HIVEP1: variants seen among roughly 807,000 people sequenced by gnomAD.
The protein encoded by HIVEP1 is HIVEP zinc finger 1.
A neutral mutation model predicts 180.0 loss-of-function variants in HIVEP1; 36 were observed. The observed-to-expected ratio is 0.20, with a 90% CI of 0.15 to 0.26. The LOEUF (loss-of-function observed/expected upper bound fraction) is 0.26. Ranked by LOEUF, HIVEP1 falls within the 10% of genes least tolerant of loss-of-function variation. HIVEP1 has a pLI of 1.00. For synonymous variants in HIVEP1, 1,239 were observed against 1,239.0 expected (o/e 1.00, Z 0.00); for missense variants, 3,143 against 3,268.7 (o/e 0.96, Z 0.94).
intron 7 of HIVEP1, among the ~76,000 whole-genome samples, chr6:12,148,207 A>G (rs529067039): frequency 6.6e-6 from 1 of 152,358 alleles, no homozygotes; most frequent in African/African-American, 2.4e-5. Flanking sequence ...TTTGAAGTGG[A>G]CAGCCCAGCA....
chr6:12,082,623 T>C (rs1772862305), intron 2 of HIVEP1, among the ~76,000 whole-genome samples: 1 of 152,178 alleles, frequency 6.6e-6, no homozygotes, highest in Admixed American at 6.5e-5. Context: ...CTGCTCTCTC[T>C]AGATTCATGT....
upstream of HIVEP1, chr6:12,007,903 T>A (rs1457983658): frequency 6.6e-6 from 1 of 152,196 alleles, no homozygotes; most frequent in African/African-American, 2.4e-5. Context: ...TATTTTTCCA[T>A]GTGTTTATCC....
intron 7 of HIVEP1, among the ~76,000 whole-genome samples, chr6:12,147,968 CCTA>C (rs1228918520): frequency 1.3e-5 from 2 of 152,122 alleles, no homozygotes; most frequent in Non-Finnish European, 2.9e-5. Flanking sequence ...CTGTACTTGT[CCTA>C]CTTTAACGCT....
intron 2 of HIVEP1, among the ~76,000 whole-genome samples, chr6:12,062,864 G>T (rs1771330745): frequency 1.3e-5 from 2 of 152,186 alleles, no homozygotes; most frequent in South Asian, 4.1e-4. Context: ...GGCATAGTGG[G>T]AAAAGCTTTC....
At chr6:12,092,605 T>G (rs1773546803) in intron 3 of HIVEP1, among the ~76,000 whole-genome samples, 3 of 152,160 alleles carry the variant, frequency 2.0e-5, no homozygotes, top group East Asian at 1.9e-4. Context: ...TTTCCAGAGT[T>G]TTTTTTGGGG....
downstream of HIVEP1, among the ~76,000 whole-genome samples, chr6:12,167,787 ATAAT>A (rs1286917662): frequency 4.2e-5 from 6 of 144,114 alleles, no homozygotes; most frequent in East Asian, 2.0e-4. Flanking sequence ...ATGTGCGTAT[ATAAT>A]ATATACACAT....
At chr6:12,137,832 T>C (rs1352181548) in intron 7 of HIVEP1, among the ~76,000 whole-genome samples, 3 of 152,218 alleles carry the variant, frequency 2.0e-5, no homozygotes, top group Admixed American at 2.0e-4. Flanking sequence ...TATTGTGCTT[T>C]TCTGTGCTTT....
Position 12,123,489 on chromosome 6 carries a change from A to G in HIVEP1, c.3694A>G (p.Ile1232Val). 6.2e-7 allele frequency: 1 copy of G among 1,614,158 alleles called. No homozygotes were observed. The highest frequency in any genetic ancestry group is 8.5e-7 in the Non-Finnish European group (1 of 1,180,006). The change falls in exon 4 of 9, where the codon ATC (isoleucine) becomes GTC (valine). Residue 1232 changes from isoleucine to valine, a missense_variant. Around this residue, in one of 12 missense-constraint regions of HIVEP1, gnomAD observed 1,357 missense variants for 1,260.5 expected, o/e 1.08. Coordinates refer to ENST00000379388, the MANE Select transcript of HIVEP1 (RefSeq NM_002114.4). ...QPSRLVRQHN[I>V]QVPEILVTEE... is the part of the protein sequence containing the mutation. ...CTCAAGACTTGTCCGGCAGCACAACATCCAAGTTCCAGAGATTTTGGTCAC... is the reference window on the plus strand; with the variant it reads ...CTCAAGACTTGTCCGGCAGCACAACGTCCAAGTTCCAGAGATTTTGGTCAC...
upstream of HIVEP1, among the ~76,000 whole-genome samples, chr6:12,011,666 G>T (rs1016345432): frequency 6.7e-6 from 1 of 149,258 alleles, no homozygotes; most frequent in Non-Finnish European, 1.5e-5. Flanking sequence ...GAAGCGGCGG[G>T]TAGGTGGCGG....
chr6:12,055,997 C>T lies in HIVEP1; in HGVS notation c.41-33187C>T, dbSNP rs374085185. On this transcript the variant is annotated intron_variant, in intron 2 of 8. Coordinates refer to ENST00000379388, the MANE Select transcript of HIVEP1 (RefSeq NM_002114.4). ...TTATTTGCTCCTTTTATTTTATATG[C>T]GCTTGCTCAGCACCTTAGGTAGCAG... 3.1e-4 allele frequency among the ~76,000 whole-genome samples: 47 copies of T among 152,198 alleles called. No homozygotes were observed. In the East Asian group the frequency reaches 5.0e-3, roughly 16 times the overall value.
chr6:12,099,325 G>A (rs910944153), intron 3 of HIVEP1, among the ~76,000 whole-genome samples: 2 of 151,874 alleles, frequency 1.3e-5, no homozygotes, highest in Admixed American at 6.6e-5. Flanking sequence ...CCGCCACTAC[G>A]CCCGGCTATT....
rs190085867 is a variant in HIVEP1 at position 12,072,931 on chromosome 6, C to T, written c.41-16253C>T. Reference sequence around the variant, plus strand: ...ATCCCTTGTCTGCTGATTCCAACATCTTTGTCTTGTGTAGTTCTTATTCTT... The same window carrying T: ...ATCCCTTGTCTGCTGATTCCAACATTTTTGTCTTGTGTAGTTCTTATTCTT... On this transcript the variant is annotated intron_variant, in intron 2 of 8. Coordinates refer to ENST00000379388, the MANE Select transcript of HIVEP1 (RefSeq NM_002114.4). 3.9e-3 allele frequency among the ~76,000 whole-genome samples: 601 copies of T among 152,168 alleles called. 5 individuals carry two copies. The highest frequency in any genetic ancestry group is 0.013 in the African/African-American group (552 of 41,520).
chr6:12,043,513 C>T (rs547274068), intron 2 of HIVEP1, among the ~76,000 whole-genome samples: 12 of 152,084 alleles, frequency 7.9e-5, no homozygotes, highest in African/African-American at 2.7e-4. Flanking sequence ...AGGACAGGCT[C>T]CTGCCACCAC....
the HIVEP1 span, among the ~76,000 whole-genome samples, chr6:12,175,847 A>AGG: frequency 1.4e-4 from 21 of 152,188 alleles, no homozygotes; most frequent in Non-Finnish European, 2.9e-4. Context: ...ACCATCCAGA[A>AGG]GGGAGGGTAC....
intron 3 of HIVEP1, among the ~76,000 whole-genome samples, chr6:12,104,425 CTTTTTT>C (rs70981665): frequency 0.019 from 1,391 of 72,676 alleles, 4 homozygotes; most frequent in Middle Eastern, 0.11. Flanking sequence ...CTTTTCTTTC[CTTTTTT>C]TTTTTTTTTT....
intron 3 of HIVEP1, among the ~76,000 whole-genome samples, chr6:12,107,733 A>G (rs867528647): frequency 9.2e-5 from 14 of 152,206 alleles, no homozygotes; most frequent in Admixed American, 4.6e-4. Context: ...GCAAAGAGTG[A>G]AAGAACAAAG....
intron 1 of HIVEP1, among the ~76,000 whole-genome samples, chr6:12,015,137 T>TTA (rs1250637911): frequency 1.3e-5 from 2 of 152,222 alleles, no homozygotes; most frequent in Admixed American, 6.5e-5. Flanking sequence ...ACCCCTTGTA[T>TTA]TAACTGAGTT....
intron 2 of HIVEP1, among the ~76,000 whole-genome samples, chr6:12,060,532 T>C (rs1160515943): frequency 1.3e-5 from 2 of 152,140 alleles, no homozygotes; most frequent in African/African-American, 4.8e-5. Flanking sequence ...TAAGTACTGA[T>C]TGTTTCTTGA....
At chr6:12,058,187 C>T (rs777393972) in intron 2 of HIVEP1, among the ~76,000 whole-genome samples, 1 of 151,258 alleles carries the variant, frequency 6.6e-6, no homozygotes, top group Non-Finnish European at 1.5e-5. Flanking sequence ...GGGCTTTGGT[C>T]TGAGAGTGTT....
Sources: gnomAD v4.1 joint callset for allele counts (sites outside exome capture counted in the v4.1 genomes callset) on GRCh38, gnomAD v4.1.1 for gene constraint, gnomAD v4.1.1 regional missense constraint, MANE v1.5 for transcripts, NCBI Gene and HGNC (gene_info 2026-07-23, HGNC 2026-07-21) for gene names.